The following RALYL variants were observed in gnomAD, a reference collection of about 807,000 sequenced individuals.
RALYL encodes the protein RALY RNA binding protein like, also known as RNA-binding Raly-like protein.
A neutral mutation model predicts 35.1 loss-of-function variants in RALYL; 29 were observed. That is an observed-to-expected ratio of 0.83 (90% CI 0.61 to 1.13). The LOEUF is 1.13. Among genes scored for constraint, RALYL ranks in the 50% most tolerant of loss-of-function variants. The pLI, the probability that RALYL is intolerant of heterozygous loss-of-function variation, is 0.00. For missense variants in RALYL, 359 were observed against 360.4 expected (o/e 1.00, Z 0.03); for synonymous variants, 120 against 127.6 (o/e 0.94, Z 0.40).
Position 84,506,304 on chromosome 8 carries a change from G to A in RALYL, c.-23-22995G>A, listed in dbSNP as rs1030395329. 3.9e-5 allele frequency among the ~76,000 whole-genome samples: 6 copies of A among 152,068 alleles called. No homozygotes were observed. The East Asian group carries it at 7.7e-4, about 20-fold the overall frequency. On this transcript the variant is annotated intron_variant, in intron 1 of 8. Coordinates refer to ENST00000521268, the MANE Select transcript of RALYL (RefSeq NM_173848.7). Reference sequence around the variant, plus strand: ...AAAGTTAAATAACTTTCATAAAGACGCACAGCTTATAGAGTACATTGTTGT... The same window carrying A: ...AAAGTTAAATAACTTTCATAAAGACACACAGCTTATAGAGTACATTGTTGT...
intron 2 of RALYL, among the ~76,000 whole-genome samples, chr8:84,589,901 A>G (rs970192804): frequency 1.3e-5 from 2 of 152,224 alleles, no homozygotes; most frequent in African/African-American, 4.8e-5. Flanking sequence ...TCATCACATT[A>G]TCTGTACATT....
At chr8:84,525,953 CT>C (rs35794329) in intron 1 of RALYL, among the ~76,000 whole-genome samples, 2,279 of 104,782 alleles carry the variant, frequency 0.022, 10 homozygotes, top group African/African-American at 0.051. Flanking sequence ...TTTCTTTTTT[CT>C]TTTTTTTTTT....
At chr8:84,804,739 A>G (rs757686658) in intron 3 of RALYL, 31 bp from the exon 4 acceptor site, 11 of 1,115,598 alleles carry the variant, frequency 9.9e-6, no homozygotes, top group South Asian at 2.2e-5. Flanking sequence ...AAATTTTTAT[A>G]TTAAAAGAAA....
At chr8:84,489,117 G>T (rs1296793299) in intron 1 of RALYL, among the ~76,000 whole-genome samples, 1 of 151,998 alleles carries the variant, frequency 6.6e-6, no homozygotes, top group East Asian at 1.9e-4. Context: ...GTTATATACT[G>T]TAGAGTTTCC....
intron 1 of RALYL, among the ~76,000 whole-genome samples, chr8:84,428,102 TCTCTCACACACA>T: frequency 7.6e-6 from 1 of 131,242 alleles, no homozygotes; most frequent in African/African-American, 3.2e-5. Context: ...TCTCTCTCTC[TCTCTCACACACA>T]CACACACACA....
intron 1 of RALYL, among the ~76,000 whole-genome samples, chr8:84,411,949 A>G (rs1234318901): frequency 1.3e-5 from 2 of 151,962 alleles, no homozygotes; most frequent in African/African-American, 4.8e-5. Context: ...TTGGTAAGTT[A>G]TTTAAAAAAA....
intron 1 of RALYL, among the ~76,000 whole-genome samples, chr8:84,514,922 T>C (rs1259647709): frequency 6.6e-6 from 1 of 152,116 alleles, no homozygotes; most frequent in Non-Finnish European, 1.5e-5. Context: ...AAGTGGCTGT[T>C]ATAGGTAAAG....
chr8:84,502,962 C>G (rs1351870729), intron 1 of RALYL, among the ~76,000 whole-genome samples: 1 of 149,196 alleles, frequency 6.7e-6, no homozygotes, highest in South Asian at 2.1e-4. Flanking sequence ...AAGAATAAAC[C>G]CGAAAGAAGG....
At position 84,342,287 on chromosome 8, in the gene RALYL, TA is replaced by T. The variant is rs1848965043; in HGVS notation, c.-24+157864del. Among the ~76,000 whole-genome samples the T allele has an allele frequency of 2.5e-5, 3 of 119,716 alleles. 1 individual carries two copies. Among genetic ancestry groups the T allele is most frequent in the Non-Finnish European group, 5.1e-5 (3 of 58,624 alleles). 78.5% of individuals were successfully genotyped at this position (119,716 alleles called of 152,430 possible). On this transcript the variant is annotated intron_variant, in intron 1 of 8. Coordinates refer to ENST00000521268, the MANE Select transcript of RALYL (RefSeq NM_173848.7). The stretch of plus-strand genomic sequence containing the variant: ...TACAGAGCATCGTTCAATATATATA[TA>T]TATATATAAAACTCAAAAAGTGTGG...
rs1004154190 is a variant in RALYL at position 84,353,359 on chromosome 8, G to A, written c.-24+168935G>A. ...ATCTCCTACTAGCTTTTAAGCCCCCGTGGTACAGAAAGTGTTTTATTCATT... is the reference window on the plus strand; with the variant it reads ...ATCTCCTACTAGCTTTTAAGCCCCCATGGTACAGAAAGTGTTTTATTCATT... On this transcript the variant is annotated intron_variant, in intron 1 of 8. Coordinates refer to ENST00000521268, the MANE Select transcript of RALYL (RefSeq NM_173848.7). Among the ~76,000 whole-genome samples, 41 of 150,106 alleles carry A rather than the reference G, an allele frequency of 2.7e-4. 4 individuals carry two copies. The highest frequency in any genetic ancestry group is 9.2e-4 in the African/African-American group (37 of 40,346).
intron 1 of RALYL, among the ~76,000 whole-genome samples, chr8:84,225,374 C>A (rs1823623412): frequency 6.6e-6 from 1 of 152,152 alleles, no homozygotes; most frequent in Admixed American, 6.5e-5. Context: ...CAGATCATGT[C>A]ACAAGCTGGC....
At chr8:84,861,576 C>A (rs954722837) in intron 5 of RALYL, among the ~76,000 whole-genome samples, 43 of 152,074 alleles carry the variant, frequency 2.8e-4, no homozygotes, top group Admixed American at 2.8e-3. Flanking sequence ...TATCTCTAGT[C>A]TCAATTTGCA....
In RALYL at chr8:84,547,354, A is replaced by AT. The variant is rs372216829; in HGVS notation, c.256+17785dup. ...ATTCTTTTATCCAAGGACTGTTGTTATTTTTTTTCTTTCTTTTTACTTATT... is the reference window on the plus strand; with the variant it reads ...ATTCTTTTATCCAAGGACTGTTGTTATTTTTTTTTCTTTCTTTTTACTTATT... On this transcript the variant is annotated intron_variant, in intron 2 of 8. Transcript: ENST00000521268. Among the ~76,000 whole-genome samples, 1,355 of 150,952 alleles carry AT rather than the reference A, an allele frequency of 9.0e-3. 7 individuals carry two copies. The highest frequency in any genetic ancestry group is 0.014 in the Non-Finnish European group (945 of 67,624).
chr8:84,618,235 G>T (rs1278718657), intron 2 of RALYL, among the ~76,000 whole-genome samples: 2 of 151,652 alleles, frequency 1.3e-5, no homozygotes, highest in South Asian at 4.1e-4. Flanking sequence ...GACTCTTTTT[G>T]GTTGGTAAGC....
intron 2 of RALYL, among the ~76,000 whole-genome samples, chr8:84,544,125 G>A (rs1439052307): frequency 6.6e-6 from 1 of 151,954 alleles, no homozygotes; most frequent in African/African-American, 2.4e-5. Context: ...ATGTTTTAAA[G>A]TCACTTGGAG....
intron 2 of RALYL, among the ~76,000 whole-genome samples, chr8:84,637,264 TTC>T (rs1305095466): frequency 1.3e-5 from 2 of 151,934 alleles, no homozygotes; most frequent in Non-Finnish European, 2.9e-5. Flanking sequence ...GTTTTGCCCT[TTC>T]AAACCTGTGT....
At position 84,531,903 on chromosome 8, in the gene RALYL, AATG is replaced by A. The variant is rs1338756139; in HGVS notation, c.256+2331_256+2333del. On this transcript the variant is annotated intron_variant, in intron 2 of 8. Coordinates refer to ENST00000521268, the MANE Select transcript of RALYL (RefSeq NM_173848.7). Reference sequence around the variant, plus strand: ...TTACATGCACAAACCCAAGGAAAAAAATGATGACACCAAATTGCTTTGCTTTGA... The same window carrying A: ...TTACATGCACAAACCCAAGGAAAAAAATGACACCAAATTGCTTTGCTTTGA... 1.7e-4 allele frequency among the ~76,000 whole-genome samples: 26 copies of A among 152,050 alleles called. 2 individuals carry two copies. Among genetic ancestry groups the A allele is most frequent in the Admixed American group, 1.6e-3 (25 of 15,258 alleles).
At chr8:84,817,783 G>T (rs1827701375) in intron 4 of RALYL, among the ~76,000 whole-genome samples, 1 of 151,894 alleles carries the variant, frequency 6.6e-6, no homozygotes, top group Non-Finnish European at 1.5e-5. Context: ...TTAAACTCCT[G>T]ATTTCTAGCA....
chr8:84,332,390 T>A (rs1846998702), intron 1 of RALYL, among the ~76,000 whole-genome samples: 1 of 152,084 alleles, frequency 6.6e-6, no homozygotes, highest in Non-Finnish European at 1.5e-5. Flanking sequence ...TTATACACAG[T>A]TTGACCCAAT....
Sources: gnomAD v4.1 joint callset for allele counts (sites outside exome capture counted in the v4.1 genomes callset) on GRCh38, gnomAD v4.1.1 for gene constraint, MANE v1.5 for transcripts, NCBI Gene and HGNC (gene_info 2026-07-23, HGNC 2026-07-21) for gene names.